Variants in CCDC141 observed in about 807,000 individuals in gnomAD.
The protein encoded by CCDC141 is coiled-coil domain-containing protein 141.
In CCDC141, 168 loss-of-function variants were observed where a neutral mutation model predicts 181.0. The ratio of observed to expected loss-of-function variants is 0.93; its 90% CI spans 0.82 to 1.05. The LOEUF is 1.05. Among genes scored for constraint, CCDC141 ranks in the 50% least tolerant of loss-of-function variants. CCDC141 has a pLI of 0.00. For synonymous variants in CCDC141, 666 were observed against 642.3 expected, an observed-to-expected ratio of 1.04 and a Z score of -0.56; for missense variants, 1,902 against 1,788.5, an observed-to-expected ratio of 1.06 and a Z score of -1.14.
chr2:178,834,535 G>T (rs968987564), intron 23 of CCDC141, 95 bp from the exon 24 acceptor site: 14 of 1,313,600 alleles, frequency 1.1e-5, no homozygotes, highest in African/African-American at 5.9e-5. Flanking sequence ...CATTACCACT[G>T]CAATATTCTC....
chr2:178,941,765 A>G (rs57117956), intron 6 of CCDC141, among the ~76,000 whole-genome samples: 4,661 of 151,024 alleles, frequency 0.031, 153 homozygotes, highest in East Asian at 0.13. Context: ...CCAGCCTGAG[A>G]AACATAGCAA....
Position 178,835,656 on chromosome 2 carries a change from C to T in CCDC141, c.4326-1216G>A, listed in dbSNP as rs140910595. 1.4e-4 allele frequency: 21 copies of T among 152,348 alleles called. No individual in the cohort carries two copies. In the East Asian group the frequency reaches 3.5e-3, roughly 25 times the overall value. The allele number at this position is 152,348 out of a possible 1,614,324, so 9.4% of individuals were successfully genotyped here. ...TTGTTTACAACATTGCAATATTCTTCAACGACACGTATGTAGCAGTGCTTC... is the reference window on the plus strand; with the variant it reads ...TTGTTTACAACATTGCAATATTCTTTAACGACACGTATGTAGCAGTGCTTC... On this transcript the variant is annotated intron_variant, in intron 23 of 23. Transcript: ENST00000443758.
chr2:178,827,080 T>A (rs6753614), downstream of CCDC141, among the ~76,000 whole-genome samples: 2,631 of 152,238 alleles, frequency 0.017, 74 homozygotes, highest in African/African-American at 0.06. Flanking sequence ...TTTCAAAATA[T>A]CTAAAAATCC....
At chr2:178,962,860 C>T (rs1164321238) in intron 4 of CCDC141, among the ~76,000 whole-genome samples, 1 of 152,162 alleles carries the variant, frequency 6.6e-6, no homozygotes, top group Non-Finnish European at 1.5e-5. Flanking sequence ...ACATGCTATA[C>T]TCTCTCCTGA....
At chr2:178,826,518 A>AATGTTTGG (rs1323885833), downstream of CCDC141, among the ~76,000 whole-genome samples, 1 of 151,926 alleles carries the variant, frequency 6.6e-6, no homozygotes, top group African/African-American at 2.4e-5. Flanking sequence ...TTTCCCTTTA[A>AATGTTTGG]ATGTTTGGTA....
At chr2:178,839,050 C>T (rs1684608428) in intron 22 of CCDC141, among the ~76,000 whole-genome samples, 2 of 152,196 alleles carry the variant, frequency 1.3e-5, no homozygotes, top group African/African-American at 4.8e-5. Context: ...AAAGTCACAT[C>T]TTGCCTTGCC....
chr2:178,945,808 A>G (rs559288647), intron 5 of CCDC141, among the ~76,000 whole-genome samples: 8 of 152,078 alleles, frequency 5.3e-5, no homozygotes, highest in African/African-American at 1.9e-4. Flanking sequence ...AGAACTCTAC[A>G]TTAGATCAGA....
At chr2:178,937,840 G>T (rs1247768502) in intron 6 of CCDC141, among the ~76,000 whole-genome samples, 1 of 150,896 alleles carries the variant, frequency 6.6e-6, no homozygotes, top group East Asian at 1.9e-4. Flanking sequence ...TCTCTTTTAG[G>T]TCTGTATAGA....
intron 23 of CCDC141, among the ~76,000 whole-genome samples, chr2:178,834,710 A>G (rs528739483): frequency 6.6e-4 from 100 of 151,928 alleles, no homozygotes; most frequent in African/African-American, 2.1e-3. Context: ...AGCTGGGACT[A>G]CAGGCGCTTA....
At chr2:178,863,735 G>T (rs984210016) in intron 17 of CCDC141, among the ~76,000 whole-genome samples, 1 of 152,196 alleles carries the variant, frequency 6.6e-6, no homozygotes, top group Admixed American at 6.5e-5. Context: ...AAAGTTCTCA[G>T]AGGTCATTTA....
intron 2 of CCDC141, among the ~76,000 whole-genome samples, chr2:179,012,810 C>G (rs2042308195): frequency 6.6e-6 from 1 of 152,122 alleles, no homozygotes; most frequent in South Asian, 2.1e-4. Context: ...GATAGCTTAA[C>G]ATATGCAAGT....
At chr2:178,943,096 C>T (rs1417953292) in intron 6 of CCDC141, among the ~76,000 whole-genome samples, 2 of 152,054 alleles carry the variant, frequency 1.3e-5, no homozygotes, top group African/African-American at 4.8e-5. Flanking sequence ...CTATATACTG[C>T]TTTTTTTGGT....
At chr2:178,954,320 G>C (rs2154378237) in intron 5 of CCDC141, among the ~76,000 whole-genome samples, 1 of 152,212 alleles carries the variant, frequency 6.6e-6, no homozygotes, top group East Asian at 1.9e-4. Context: ...ATAAGATGCT[G>C]CTGGAGCTGA....
intron 2 of CCDC141, among the ~76,000 whole-genome samples, chr2:178,982,198 G>A (rs1691447313): frequency 6.6e-6 from 1 of 152,120 alleles, no homozygotes; most frequent in Admixed American, 6.5e-5. Flanking sequence ...CTACACTGGT[G>A]AATTCTACCA....
intron 3 of CCDC141, among the ~76,000 whole-genome samples, chr2:178,977,684 T>C (rs1363751835): frequency 6.6e-6 from 1 of 152,210 alleles, no homozygotes; most frequent in Non-Finnish European, 1.5e-5. Flanking sequence ...GTCCTGAATT[T>C]CTAGTTTAAA....
chr2:178,817,797 C>CCCTT, the CCDC141 span: 1 of 265,900 alleles, frequency 3.8e-6, no homozygotes, highest in South Asian at 3.4e-5. Flanking sequence ...CTTCCTTCCT[C>CCCTT]CCTCCCTCCC....
intron 2 of CCDC141, among the ~76,000 whole-genome samples, chr2:179,038,308 G>C (rs886962696): frequency 6.6e-6 from 1 of 152,162 alleles, no homozygotes; most frequent in Non-Finnish European, 1.5e-5. Flanking sequence ...GGGGTACCTA[G>C]AATAGACAAA....
chr2:178,880,865 A>G (rs531489820), intron 11 of CCDC141, among the ~76,000 whole-genome samples: 1 of 152,340 alleles, frequency 6.6e-6, no homozygotes, highest in Non-Finnish European at 1.5e-5. Flanking sequence ...CATTAACCCA[A>G]TGCCAAAATA....
rs1685245086 is a variant in CCDC141, at chr2:178,853,348, T to C, written c.3244+93A>G. The stretch of plus-strand genomic sequence containing the variant: ...GAATACACTGGTGTGCTGAGGACCC[T>C]GAGGACTTGCCACACTCTTGCTGTC... On this transcript the variant is annotated intron_variant, in intron 20 of 23. Coordinates refer to ENST00000443758, the MANE Select transcript of CCDC141 (RefSeq NM_173648.4). The C allele has an allele frequency of 7.8e-6, 9 of 1,153,726 alleles. No individual in the cohort carries two copies. The South Asian group carries it at 1.1e-4, about 14-fold the overall frequency. The allele number at this position is 1,153,726 out of a possible 1,614,324, so 71.5% of individuals were successfully genotyped here.
Sources: allele counts gnomAD v4.1 joint callset (sites outside exome capture counted in the v4.1 genomes callset), GRCh38; gene constraint gnomAD v4.1.1; transcripts MANE v1.5; gene names NCBI Gene and HGNC (gene_info 2026-07-23, HGNC 2026-07-21).